Variants in COLEC11 observed in about 807,000 individuals in gnomAD.
COLEC11 encodes the protein collectin-11.
Under a neutral mutation model 27.3 loss-of-function variants are expected in COLEC11, and 20 were observed. The observed-to-expected ratio is 0.73, with a 90% CI of 0.51 to 1.06. The LOEUF is 1.06. Among genes scored for constraint, COLEC11 ranks in the 50% least tolerant of loss-of-function variants. COLEC11 has a pLI of 0.00. For synonymous variants in COLEC11, 163 were observed against 154.7 expected, an observed-to-expected ratio of 1.05 and a Z score of -0.40; for missense variants, 310 against 383.0, an observed-to-expected ratio of 0.81 and a Z score of 1.59.
At chr2:3,635,691 G>A (rs1269639647) in intron 3 of COLEC11, among the ~76,000 whole-genome samples, 1 of 152,244 alleles carries the variant, frequency 6.6e-6, no homozygotes, top group Non-Finnish European at 1.5e-5. Context: ...GCGAAGCAGA[G>A]TCGCCTCCGT....
rs1207702543 is a variant in COLEC11, at chr2:3,636,127, C to T, written c.203-1406C>T. 3.9e-5 allele frequency among the ~76,000 whole-genome samples: 6 copies of T among 152,294 alleles called. No individual in the cohort carries two copies. In the East Asian group the frequency reaches 5.8e-4, roughly 15 times the overall value. ...TCTAAGGAGGCAGGTGGCGTCACTG[C>T]AGGACAGAGTGTTATCTGCGTGCGA... On this transcript the variant is annotated intron_variant, in intron 3 of 6. Coordinates refer to ENST00000349077, the MANE Select transcript of COLEC11 (RefSeq NM_024027.5).
chr2:3,607,917 T>C (rs4850067), intron 2 of COLEC11, among the ~76,000 whole-genome samples: 112,319 of 152,126 alleles, frequency 0.74, 41,592 homozygotes, highest in South Asian at 0.89. Flanking sequence ...GCTGAGGTCC[T>C]GGCTTTCTCC....
At chr2:3,635,965 G>T (rs1665380758) in intron 3 of COLEC11, among the ~76,000 whole-genome samples, 1 of 152,222 alleles carries the variant, frequency 6.6e-6, no homozygotes, top group Admixed American at 6.5e-5. Context: ...CTCTGCAGGG[G>T]CATGTGTGGT....
chr2:3,637,457 C>T (rs947907124), intron 3 of COLEC11, 76 bp from the exon 4 acceptor site: 1 of 1,127,308 alleles, frequency 8.9e-7, no homozygotes. Context: ...GTCGGGTTAT[C>T]CGTGCACGTG....
intron 2 of COLEC11, among the ~76,000 whole-genome samples, chr2:3,608,735 G>T (rs1000139399): frequency 6.6e-6 from 1 of 152,228 alleles, no homozygotes; most frequent in Non-Finnish European, 1.5e-5. Flanking sequence ...AAACAGCCTT[G>T]GTTCTTAAGA....
chr2:3,617,566 C>G, intron 3 of COLEC11: 1 of 1,604,448 alleles, frequency 6.2e-7, no homozygotes, highest in South Asian at 1.1e-5. Flanking sequence ...TGCCTGCTTG[C>G]TTCTCCTGTT....
intron 3 of COLEC11, among the ~76,000 whole-genome samples, chr2:3,615,235 G>A (rs1553351392): frequency 6.6e-6 from 1 of 152,174 alleles, no homozygotes; most frequent in Non-Finnish European, 1.5e-5. Flanking sequence ...AAGGTCAGCA[G>A]ACAAACAAGT....
chr2:3,603,045 G>T (rs535983436), intron 1 of COLEC11, among the ~76,000 whole-genome samples: 22 of 152,254 alleles, frequency 1.4e-4, no homozygotes, highest in Non-Finnish European at 2.5e-4. Context: ...GTTTCTGAAC[G>T]AATGATTAAC....
chr2:3,641,233 T>G (rs1665839147), intron 5 of COLEC11: 5 of 1,304,202 alleles, frequency 3.8e-6, no homozygotes, highest in Non-Finnish European at 5.1e-6. Flanking sequence ...AGTCCTTGTT[T>G]TAAAAGCTCC....
At chr2:3,610,427 G>C (rs1263452537) in intron 2 of COLEC11, among the ~76,000 whole-genome samples, 9 of 152,226 alleles carry the variant, frequency 5.9e-5, no homozygotes, top group Non-Finnish European at 1.3e-4. Flanking sequence ...AGATGGAGCT[G>C]TGTCTTCTCA....
intron 5 of COLEC11, 71 bp from the exon 6 acceptor site, chr2:3,643,373 G>C: frequency 7.9e-7 from 1 of 1,271,466 alleles, no homozygotes. Context: ...TTTCCGGGGA[G>C]GGGTCCTCGC....
At chr2:3,615,545 A>G (rs1458217019) in intron 3 of COLEC11, among the ~76,000 whole-genome samples, 1 of 152,246 alleles carries the variant, frequency 6.6e-6, no homozygotes, top group Non-Finnish European at 1.5e-5. Flanking sequence ...TTCTTTCTAC[A>G]CAGACACAGC....
At chr2:3,633,558 G>A (rs1386983434) in intron 3 of COLEC11, among the ~76,000 whole-genome samples, 3 of 152,166 alleles carry the variant, frequency 2.0e-5, no homozygotes, top group Non-Finnish European at 1.5e-5. Context: ...TTGTGAGGGT[G>A]CTGTGAGCGC....
At chr2:3,614,816 G>C (rs548759470) in intron 3 of COLEC11, among the ~76,000 whole-genome samples, 2 of 152,296 alleles carry the variant, frequency 1.3e-5, no homozygotes, top group African/African-American at 4.8e-5. Context: ...AACTGACTTT[G>C]AAATTTCAGA....
At chr2:3,599,791 T>C (rs1662089721) in intron 1 of COLEC11, among the ~76,000 whole-genome samples, 1 of 152,134 alleles carries the variant, frequency 6.6e-6, no homozygotes, top group South Asian at 2.1e-4. Context: ...GAGGGTGAGC[T>C]CCACGCCACC....
intron 1 of COLEC11, among the ~76,000 whole-genome samples, chr2:3,600,273 G>A (rs1246830129): frequency 6.6e-6 from 1 of 150,848 alleles, no homozygotes; most frequent in Non-Finnish European, 1.5e-5. Context: ...AAGCAAGCAA[G>A]GCTGGGCACA....
chr2:3,611,974 C>G (rs62107196), intron 2 of COLEC11, among the ~76,000 whole-genome samples: 1 of 150,350 alleles, frequency 6.7e-6, no homozygotes, highest in East Asian at 2.0e-4. Context: ...GAGTTATACT[C>G]TATATGCTCT....
At chr2:3,633,531 C>A (rs1320529774) in intron 3 of COLEC11, among the ~76,000 whole-genome samples, 2 of 152,180 alleles carry the variant, frequency 1.3e-5, no homozygotes, top group East Asian at 3.9e-4. Context: ...GAAACCCTTG[C>A]GCTGGCTGCT....
intron 3 of COLEC11, among the ~76,000 whole-genome samples, chr2:3,628,627 C>T (rs1405047151): frequency 3.3e-5 from 5 of 152,204 alleles, no homozygotes; most frequent in Non-Finnish European, 5.9e-5. Flanking sequence ...CCCCCACCCC[C>T]CATTCGAGGA....
Sources: gnomAD v4.1 joint callset for allele counts (sites outside exome capture counted in the v4.1 genomes callset) on GRCh38, gnomAD v4.1.1 for gene constraint, MANE v1.5 for transcripts, NCBI Gene and HGNC (gene_info 2026-07-23, HGNC 2026-07-21) for gene names.